SLC16A9: variants seen among roughly 807,000 people sequenced by gnomAD.
The protein encoded by SLC16A9 is monocarboxylate transporter 9.
SLC16A9 carries 26 observed loss-of-function variants against 44.3 expected under a neutral mutation model. The ratio of observed to expected loss-of-function variants is 0.59; its 90% CI spans 0.43 to 0.81. The LOEUF (loss-of-function observed/expected upper bound fraction) is 0.81. Among genes scored for constraint, SLC16A9 ranks in the 40% least tolerant of loss-of-function variants. The pLI, the probability that SLC16A9 is intolerant of heterozygous loss-of-function variation, is 0.00. For synonymous variants in SLC16A9, 230 were observed against 225.1 expected (o/e 1.02, Z -0.19); for missense variants, 559 against 595.8 (o/e 0.94, Z 0.64).
chr10:59,679,073 G>A (rs969094475), intron 2 of SLC16A9, among the ~76,000 whole-genome samples: 1 of 152,106 alleles, frequency 6.6e-6, no homozygotes, highest in African/African-American at 2.4e-5. Flanking sequence ...GAACACCTTT[G>A]GAGGAAGTGA....
At chr10:59,697,769 T>TTAAAAAAA (rs376862154) in intron 1 of SLC16A9, among the ~76,000 whole-genome samples, 6 of 147,940 alleles carry the variant, frequency 4.1e-5, no homozygotes, top group Admixed American at 6.7e-5. Flanking sequence ...AAATAAATAA[T>TTAAAAAAA]TAAAAAAATA....
intron 1 of SLC16A9, among the ~76,000 whole-genome samples, chr10:59,692,015 C>T (rs1840263587): frequency 6.6e-6 from 1 of 152,180 alleles, no homozygotes; most frequent in African/African-American, 2.4e-5. Flanking sequence ...CCCTAATAAC[C>T]CCCATTTGAG....
At chr10:59,673,323 G>C (rs1839793629) in intron 2 of SLC16A9, among the ~76,000 whole-genome samples, 1 of 152,146 alleles carries the variant, frequency 6.6e-6, no homozygotes, top group South Asian at 2.1e-4. Flanking sequence ...ACTGTGCCCT[G>C]TTGACTGAGA....
intron 1 of SLC16A9, among the ~76,000 whole-genome samples, chr10:59,689,011 T>C (rs539109488): frequency 6.6e-6 from 1 of 152,200 alleles, no homozygotes; most frequent in Admixed American, 6.5e-5. Flanking sequence ...TTTCAGGATG[T>C]AGGACAAGAG....
At chr10:59,664,030 G>T (rs1839546591) in intron 4 of SLC16A9, among the ~76,000 whole-genome samples, 197 bp downstream of exon 4, 2 of 105,150 alleles carry the variant, frequency 1.9e-5, no homozygotes, top group South Asian at 3.0e-4. Context: ...AATGTAAAAT[G>T]TAAAAAAAAA....
At position 59,652,803 on chromosome 10, in the gene SLC16A9, G is replaced by A. The variant is rs1214919750; in HGVS notation, c.1499C>T (p.Thr500Ile). 1 of 1,612,066 alleles carries A rather than the reference G, an allele frequency of 6.2e-7. No individual in the cohort carries two copies. Among genetic ancestry groups the A allele is most frequent in the Admixed American group, 1.7e-5 (1 of 59,494 alleles). ...NKQLPKPAPT[T>I]FLYKVASNV ...ATTAGAGGCAACTTTGTACAAGAAAGTTGTTGGAGCTGGCTTGGGGAGTTG... is the reference window on the plus strand; with the variant it reads ...ATTAGAGGCAACTTTGTACAAGAAAATTGTTGGAGCTGGCTTGGGGAGTTG... The change falls in exon 6 of 6, where the codon ACT (threonine) becomes ATT (isoleucine). Residue 500 changes from threonine to isoleucine, a missense_variant. Physicochemically the swap from Thr to Ile is moderately conservative, Grantham distance 89 (BLOSUM62 -1). Transcript: ENST00000395348.
At chr10:59,661,572 C>T (rs1839475847) in intron 4 of SLC16A9, among the ~76,000 whole-genome samples, 1 of 152,080 alleles carries the variant, frequency 6.6e-6, no homozygotes, top group Admixed American at 6.6e-5. Context: ...GCCATACTGC[C>T]AAAGGTAATT....
At chr10:59,665,495 G>T (rs1839589176) in intron 3 of SLC16A9, among the ~76,000 whole-genome samples, 1 of 152,114 alleles carries the variant, frequency 6.6e-6, no homozygotes, top group Non-Finnish European at 1.5e-5. Flanking sequence ...AAATGAGAGA[G>T]ATTAAAACAA....
chr10:59,663,943 T>G (rs1017172358), intron 4 of SLC16A9, among the ~76,000 whole-genome samples: 1 of 151,254 alleles, frequency 6.6e-6, no homozygotes, highest in Non-Finnish European at 1.5e-5. Context: ...GTATTAATGT[T>G]ATACTAAATA....
intron 3 of SLC16A9, among the ~76,000 whole-genome samples, chr10:59,666,748 G>C (rs1432358739): frequency 1.3e-5 from 2 of 152,004 alleles, no homozygotes; most frequent in Non-Finnish European, 2.9e-5. Context: ...TTGAAACAGT[G>C]TCTGACAGAC....
intron 3 of SLC16A9, among the ~76,000 whole-genome samples, chr10:59,671,883 G>A (rs1321894524): frequency 6.6e-6 from 1 of 152,156 alleles, no homozygotes; most frequent in Non-Finnish European, 1.5e-5. Context: ...TTGTGAAGAG[G>A]AAATGAGATC....
intron 5 of SLC16A9, 38 bp from the exon 6 acceptor site, chr10:59,652,988 A>G: frequency 6.5e-7 from 1 of 1,539,540 alleles, no homozygotes; most frequent in Middle Eastern, 1.8e-4. Flanking sequence ...GTTTCATGGA[A>G]ATAGTATGAA....
intron 2 of SLC16A9, among the ~76,000 whole-genome samples, chr10:59,675,821 A>C (rs1410852431): frequency 6.6e-6 from 1 of 152,216 alleles, no homozygotes; most frequent in Admixed American, 6.5e-5. Flanking sequence ...AAAACCCCAG[A>C]ACCATGCCAA....
chr10:59,686,731 C>G (rs1840142153), intron 1 of SLC16A9, among the ~76,000 whole-genome samples: 1 of 152,186 alleles, frequency 6.6e-6, no homozygotes, highest in Admixed American at 6.5e-5. Flanking sequence ...TAGTCACCTA[C>G]AGTTACAATT....
intron 1 of SLC16A9, among the ~76,000 whole-genome samples, chr10:59,690,741 A>G (rs189636958): frequency 5.1e-4 from 78 of 152,288 alleles, no homozygotes; most frequent in Admixed American, 3.3e-3. Context: ...TTGTTTCTAC[A>G]TATTGTAGAA....
intron 4 of SLC16A9, among the ~76,000 whole-genome samples, chr10:59,656,361 C>T (rs950827031): frequency 1.3e-5 from 2 of 152,194 alleles, no homozygotes; most frequent in Non-Finnish European, 2.9e-5. Flanking sequence ...CTTAAAAATG[C>T]TCTTGGTGTT....
intron 2 of SLC16A9, among the ~76,000 whole-genome samples, chr10:59,675,597 A>G (rs1263118102): frequency 1.3e-5 from 2 of 152,214 alleles, no homozygotes; most frequent in Non-Finnish European, 2.9e-5. Context: ...GGAGTTGGAC[A>G]AGTGGACTCT....
intron 1 of SLC16A9, among the ~76,000 whole-genome samples, chr10:59,690,134 G>C (rs1041583525): frequency 6.6e-6 from 1 of 152,128 alleles, no homozygotes; most frequent in Non-Finnish European, 1.5e-5. Context: ...ATAACAGTGA[G>C]CCATGATTAT....
rs180783704 is a variant in SLC16A9 at position 59,671,531 on chromosome 10, G to T, written c.340+1239C>A. Among the ~76,000 whole-genome samples, 231 of 152,244 alleles carry T rather than the reference G, an allele frequency of 1.5e-3. 2 individuals carry two copies. Among genetic ancestry groups the T allele is most frequent in the Admixed American group, 3.6e-3 (55 of 15,288 alleles). Reference sequence around the variant, plus strand: ...ATTATGCCCCAACTGCCCAGCCAATGGTCCTTTCCCCAGTCCCTGATATTT... The same window carrying T: ...ATTATGCCCCAACTGCCCAGCCAATTGTCCTTTCCCCAGTCCCTGATATTT... On this transcript the variant is annotated intron_variant, in intron 3 of 5. Transcript: ENST00000395348.
Sources: allele counts gnomAD v4.1 joint callset (sites outside exome capture counted in the v4.1 genomes callset), GRCh38; gene constraint gnomAD v4.1.1; transcripts MANE v1.5; gene names NCBI Gene and HGNC (gene_info 2026-07-23, HGNC 2026-07-21).